The following ZNF891 variants were observed in gnomAD, a reference collection of about 807,000 sequenced individuals.
ZNF891 encodes the protein zinc finger protein 891, also known as hCG1646157.
For synonymous variants in ZNF891, 199 were observed against 209.0 expected (o/e 0.95, Z 0.41); for missense variants, 589 against 632.7 (o/e 0.93, Z 0.74).
Position 133,108,213 on chromosome 12 carries a change from C to T in ZNF891, c.*12071G>A, listed in dbSNP as rs1266274533. On this transcript the variant is annotated 3_prime_UTR_variant, in exon 2 of 2. Transcript: ENST00000537226. The stretch of plus-strand genomic sequence containing the variant: ...TAATATCTGATTTGATTTTCTCAAG[C>T]AGCATGCCTTATTACATATGGGTAT... The T allele has an allele frequency of 1.4e-5, 2 of 148,120 alleles. No individual in the cohort carries two copies. The highest frequency in any genetic ancestry group is 2.6e-5 in the African/African-American group (1 of 37,838). 9.2% of individuals were successfully genotyped at this position (148,120 alleles called of 1,614,324 possible).
In ZNF891 at chr12:133,119,175, A is replaced by ACAC. The variant is rs1415406671; in HGVS notation, c.*1106_*1108dup. On this transcript the variant is annotated 3_prime_UTR_variant, in exon 2 of 2. Coordinates refer to ENST00000537226, the MANE Select transcript of ZNF891 (RefSeq NM_001277291.2). ...GTCGAGGTTGCAATGAGCCATGACC[A>ACAC]CACCACTGCATTCTAGCCTGAGAGA... 2 of 152,050 alleles carry ACAC rather than the reference A, an allele frequency of 1.3e-5. No individual in the cohort carries two copies. Among genetic ancestry groups the ACAC allele is most frequent in the Non-Finnish European group, 2.9e-5 (2 of 68,006 alleles). The allele number at this position is 152,050 out of a possible 1,614,324, so 9.4% of individuals were successfully genotyped here.
rs550203150 is a variant in ZNF891, at chr12:133,115,390, C to CAAAAAAAAAAAAAAAAAAAAAAAAAAAAA, written c.*4893_*4894insTTTTTTTTTTTTTTTTTTTTTTTTTTTTT. On this transcript the variant is annotated 3_prime_UTR_variant, in exon 2 of 2. Transcript: ENST00000537226. ...CCTGGGAAAAAGCAAAACTCCTTCT[C>CAAAAAAAAAAAAAAAAAAAAAAAAAAAAA]AAAAAAAAAAAAAAAAAAAAAAAAA... is the stretch of plus-strand genomic sequence containing the variant. 8.7e-4 allele frequency: 30 copies of CAAAAAAAAAAAAAAAAAAAAAAAAAAAAA among 34,344 alleles called. 2 individuals carry two copies. The highest frequency in any genetic ancestry group is 1.3e-3 in the Admixed American group (3 of 2,340). The allele number at this position is 34,344 out of a possible 1,614,324, so 2.1% of individuals were successfully genotyped here. A position where few individuals can be genotyped will look rare whatever the true frequency, so the allele number is the denominator to read the frequency against.
rs918434895 is a variant in ZNF891, at chr12:133,112,260, A to G, written c.*8024T>C. 2.0e-5 allele frequency: 3 copies of G among 152,102 alleles called. No homozygotes were observed. The highest frequency in any genetic ancestry group is 4.4e-5 in the Non-Finnish European group (3 of 68,074). 9.4% of individuals were successfully genotyped at this position (152,102 alleles called of 1,614,324 possible). ...CACCCTCTGCCCATGGAGCCAGAAG[A>G]AGGAGCTCCCTACTCCTTCTTTAAC... is the stretch of plus-strand genomic sequence containing the variant. On this transcript the variant is annotated 3_prime_UTR_variant, in exon 2 of 2. Coordinates refer to ENST00000537226, the MANE Select transcript of ZNF891 (RefSeq NM_001277291.2).
In ZNF891 at chr12:133,121,598, A is replaced by G. The variant is rs894437421; in HGVS notation, c.321T>C (p.Ile107=). The G allele has an allele frequency of 3.9e-6, 6 of 1,536,290 alleles. No homozygotes were observed. The African/African-American group carries it at 8.2e-5, about 21-fold the overall frequency. Residue 107 remains isoleucine (I), a synonymous_variant, in exon 2 of 2, where the codon ATT becomes ATC. Coordinates refer to ENST00000537226, the MANE Select transcript of ZNF891 (RefSeq NM_001277291.2). ...QEEIRNMKKR[I]PQAICPDQKI... ...TCTGGTCTGGACAGATGGCTTGGGG[A>G]ATTCTCTTTTTCATATTCCTTATCT...
At position 133,111,209 on chromosome 12, in the gene ZNF891, G is replaced by A. The variant is rs1044192757; in HGVS notation, c.*9075C>T. ...TCTGGTATGTTAACAATTCTTTTAA[G>A]GAAACAAAACAAAAAAAAATAAATT... is the stretch of plus-strand genomic sequence containing the variant. On this transcript the variant is annotated 3_prime_UTR_variant, in exon 2 of 2. Coordinates refer to ENST00000537226, the MANE Select transcript of ZNF891 (RefSeq NM_001277291.2). 14 of 151,926 alleles carry A rather than the reference G, an allele frequency of 9.2e-5. No individual in the cohort carries two copies. The highest frequency in any genetic ancestry group is 3.4e-4 in the African/African-American group (14 of 41,360). 9.4% of individuals were successfully genotyped at this position (151,926 alleles called of 1,614,324 possible).
At position 133,121,293 on chromosome 12, in the gene ZNF891, C is replaced by G; in HGVS notation, c.626G>C (p.Ser209Thr). The G allele has an allele frequency of 6.5e-7, 1 of 1,535,418 alleles. No individual in the cohort carries two copies. Among genetic ancestry groups the G allele is most frequent in the Non-Finnish European group, 8.7e-7 (1 of 1,146,636 alleles). The stretch of plus-strand genomic sequence containing the variant: ...TTGGCAATGTTTACTGGTGAAAATG[C>G]TCTGTGAAAAAATAAGTTTTGATCC... ...KLGSKLIFSQ[S>T]IFTSKHCQKC... The change falls in exon 2 of 2, where the codon AGC becomes ACC. Residue 209 changes from serine (S) to threonine (T), a missense_variant. Coordinates refer to ENST00000537226, the MANE Select transcript of ZNF891 (RefSeq NM_001277291.2).
chr12:133,125,644 G>A (rs867477089), intron 1 of ZNF891: 42 of 272,742 alleles, frequency 1.5e-4, no homozygotes, highest in Admixed American at 4.3e-4. Context: ...TGAGGCTCTG[G>A]AGGCAGCCCA....
At chr12:133,129,482 C>T (rs994376214) in intron 1 of ZNF891, among the ~76,000 whole-genome samples, 1 of 101,452 alleles carries the variant, frequency 9.9e-6, no homozygotes, top group Non-Finnish European at 1.9e-5. Context: ...GCCTGGGCAA[C>T]AAAGAGCGAA....
At position 133,120,224 on chromosome 12, in the gene ZNF891, G is replaced by A; in HGVS notation, c.*60C>T. 7.4e-7 allele frequency: 1 copy of A among 1,343,124 alleles called. No individual in the cohort carries two copies. The highest frequency in any genetic ancestry group is 9.9e-7 in the Non-Finnish European group (1 of 1,010,810). 83.2% of individuals were successfully genotyped at this position (1,343,124 alleles called of 1,614,324 possible). ...CGTTCTTTTAGAGAACAAAGACTGA[G>A]ACAAGGAGCTTGGAATCCACCTTAA... On this transcript the variant is annotated 3_prime_UTR_variant, in exon 2 of 2. Coordinates refer to ENST00000537226, the MANE Select transcript of ZNF891 (RefSeq NM_001277291.2).
chr12:133,129,266 C>T (rs1260668792), intron 1 of ZNF891, among the ~76,000 whole-genome samples: 1 of 151,982 alleles, frequency 6.6e-6, no homozygotes, highest in Non-Finnish European at 1.5e-5. Context: ...CTTTGGGAGG[C>T]CGAGGCAGGC....
intron 1 of ZNF891, among the ~76,000 whole-genome samples, chr12:133,126,871 T>TA (rs1282741815): frequency 1.4e-5 from 2 of 138,538 alleles, no homozygotes; most frequent in African/African-American, 2.7e-5. Context: ...TAAGAATAAA[T>TA]AAAAAAAGAC....
chr12:133,120,420 G>C lies in ZNF891; in HGVS notation c.1499C>G (p.Ser500Cys), dbSNP rs748449382. 27 of 1,602,312 alleles carry C rather than the reference G, an allele frequency of 1.7e-5. No homozygotes were observed. Among genetic ancestry groups the C allele is most frequent in the Non-Finnish European group, 2.3e-5 (27 of 1,175,126 alleles). Residue 500 changes from serine to cysteine, a missense_variant, in exon 2 of 2, where the codon TCC (serine) becomes TGC (cysteine). Physicochemically the swap from Ser to Cys is moderately radical, Grantham distance 112. Coordinates refer to ENST00000537226, the MANE Select transcript of ZNF891 (RefSeq NM_001277291.2). Reference protein sequence around the residue: ...CKECRKAFSVSSSLRRHVRIH... With the variant: ...CKECRKAFSVCSSLRRHVRIH... ...TCTCACATGCCTCCTAAGGGAAGAG[G>C]AAACACTGAAGGCTTTCCTACATTC...
intron 1 of ZNF891, chr12:133,125,875 T>C: frequency 2.0e-6 from 1 of 501,992 alleles, no homozygotes; most frequent in Non-Finnish European, 4.0e-6. Context: ...TCAGGCCTGA[T>C]GGAGAGAAGA....
rs1429366225 is a variant in ZNF891 at position 133,114,957 on chromosome 12, T to C, written c.*5327A>G. Reference sequence around the variant, plus strand: ...ACAGTTGATAGGAAAGCACAATATATAAACAATATTATTGATTGCAGTATT... The same window carrying C: ...ACAGTTGATAGGAAAGCACAATATACAAACAATATTATTGATTGCAGTATT... On this transcript the variant is annotated 3_prime_UTR_variant, in exon 2 of 2. Coordinates refer to ENST00000537226, the MANE Select transcript of ZNF891 (RefSeq NM_001277291.2). The C allele has an allele frequency of 1.3e-5, 2 of 152,182 alleles. No individual in the cohort carries two copies. Among genetic ancestry groups the C allele is most frequent in the Admixed American group, 1.3e-4 (2 of 15,264 alleles). The allele number at this position is 152,182 out of a possible 1,614,324, so 9.4% of individuals were successfully genotyped here.
At position 133,105,647 on chromosome 12, in the gene ZNF891, A is replaced by G; in HGVS notation, c.*14637T>C. 2 of 1,614,214 alleles carry G rather than the reference A, an allele frequency of 1.2e-6. No homozygotes were observed. Among genetic ancestry groups the G allele is most frequent in the South Asian group, 2.2e-5 (2 of 91,086 alleles). On this transcript the variant is annotated 3_prime_UTR_variant, in exon 2 of 2. Transcript: ENST00000537226. Reference sequence around the variant, plus strand: ...CAGTTTTAAAGGAGGCTGGAAATGCAAGGATCATACTGAGATGCTGCAAGA... The same window carrying G: ...CAGTTTTAAAGGAGGCTGGAAATGCGAGGATCATACTGAGATGCTGCAAGA...
Position 133,121,596 on chromosome 12 carries a change from G to A in ZNF891, c.323C>T (p.Pro108Leu), listed in dbSNP as rs1262294756. 7.8e-6 allele frequency: 12 copies of A among 1,536,360 alleles called. No individual in the cohort carries two copies. Among genetic ancestry groups the A allele is most frequent in the Non-Finnish European group, 1.0e-5 (12 of 1,147,018 alleles). ...CTTCTGGTCTGGACAGATGGCTTGG[G>A]GAATTCTCTTTTTCATATTCCTTAT... ...EEIRNMKKRIPQAICPDQKIQ... is the reference protein window; with the variant it reads ...EEIRNMKKRILQAICPDQKIQ... The change falls in exon 2 of 2, where the codon CCC (proline) becomes CTC (leucine). Residue 108 changes from proline to leucine, a missense_variant. By Grantham distance (98) the Pro-to-Leu change is moderately conservative. Transcript: ENST00000537226.
Position 133,106,252 on chromosome 12 carries a change from C to T in ZNF891, c.*14032G>A, listed in dbSNP as rs1410988085. On this transcript the variant is annotated 3_prime_UTR_variant, in exon 2 of 2. Coordinates refer to ENST00000537226, the MANE Select transcript of ZNF891 (RefSeq NM_001277291.2). ...CTCGACATCAGAGCATCCATACAAC[C>T]AAAACCCCGTATGAATGTAATGAAT... 5 of 1,614,042 alleles carry T rather than the reference C, an allele frequency of 3.1e-6. No individual in the cohort carries two copies. Among genetic ancestry groups the T allele is most frequent in the Non-Finnish European group, 4.2e-6 (5 of 1,180,040 alleles).
At chr12:133,129,694 G>A (rs1462588240) in intron 1 of ZNF891, among the ~76,000 whole-genome samples, 4 of 152,092 alleles carry the variant, frequency 2.6e-5, no homozygotes, top group African/African-American at 9.7e-5. Flanking sequence ...TAACGGGCAA[G>A]GATAGTACAC....
intron 1 of ZNF891, chr12:133,125,812 C>T (rs1013253073): frequency 4.0e-6 from 2 of 494,886 alleles, no homozygotes; most frequent in Non-Finnish European, 8.0e-6. Context: ...GCCCTCCTCA[C>T]AGGCTTGTGA....
Sources: allele counts gnomAD v4.1 joint callset (sites outside exome capture counted in the v4.1 genomes callset), GRCh38; gene constraint gnomAD v4.1.1; transcripts MANE v1.5; gene names NCBI Gene and HGNC (gene_info 2026-07-23, HGNC 2026-07-21).